Variants in VEZT observed in about 807,000 individuals in gnomAD.
The protein encoded by VEZT is vezatin.
VEZT carries 39 observed loss-of-function variants against 79.9 expected under a neutral mutation model. The ratio of observed to expected loss-of-function variants is 0.49; its 90% confidence interval spans 0.38 to 0.64. The LOEUF is 0.64. Among genes scored for constraint, VEZT ranks in the 30% least tolerant of loss-of-function variants. The probability of loss-of-function intolerance (pLI) is 0.00; values close to 1 mark genes in which losing one functional copy is unlikely to be tolerated. For missense variants in VEZT, 837 were observed against 893.1 expected (o/e 0.94, Z 0.80); for synonymous variants, 325 against 327.6 (o/e 0.99, Z 0.09).
intron 2 of VEZT, among the ~76,000 whole-genome samples, chr12:95,256,066 T>G (rs1234873547): frequency 2.6e-5 from 4 of 152,082 alleles, no homozygotes; most frequent in African/African-American, 9.7e-5. Context: ...CTCTTTTTTT[T>G]TTGAGATGCA....
At chr12:95,238,049 G>T (rs2060426376) in intron 1 of VEZT, among the ~76,000 whole-genome samples, 1 of 152,154 alleles carries the variant, frequency 6.6e-6, no homozygotes, top group Non-Finnish European at 1.5e-5. Context: ...ATTATGCCTT[G>T]CAGGGTTGAG....
chr12:95,238,654 A>G (rs2060495251), intron 1 of VEZT, among the ~76,000 whole-genome samples: 1 of 152,158 alleles, frequency 6.6e-6, no homozygotes, highest in South Asian at 2.1e-4. Context: ...AGGCACTTCT[A>G]ATACATCACC....
At chr12:95,225,718 T>C (rs1287820522) in intron 1 of VEZT, among the ~76,000 whole-genome samples, 2 of 127,676 alleles carry the variant, frequency 1.6e-5, no homozygotes, top group African/African-American at 6.0e-5. Context: ...CATATTGGAA[T>C]ACTGCTATAG....
chr12:95,221,018 T>G (rs2057492786), intron 1 of VEZT, among the ~76,000 whole-genome samples: 1 of 152,242 alleles, frequency 6.6e-6, no homozygotes, highest in African/African-American at 2.4e-5. Flanking sequence ...AGTGTTTTTC[T>G]TTTTATGATT....
intron 7 of VEZT, 135 bp from the exon 8 acceptor site, chr12:95,282,178 T>TA (rs1414581513): frequency 2.6e-6 from 2 of 769,696 alleles, no homozygotes; most frequent in Non-Finnish European, 4.0e-6. Context: ...TAAGGTAGTT[T>TA]AAGTTCGGCT....
Position 95,282,328 on chromosome 12 carries a change from T to C in VEZT, c.1012T>C (p.Trp338Arg), listed in dbSNP as rs759421591. The change falls in exon 8 of 12, where the codon TGG becomes CGG. Residue 338 changes from tryptophan (W) to arginine (R), a missense_variant. Transcript: ENST00000436874. ...LPALKVLFQLWVAQSSEFFRR... is the reference protein window; with the variant it reads ...LPALKVLFQLRVAQSSEFFRR... ...TTTCTTTAAGGTTTTGTTCCAACTC[T>C]GGGTGGCACAGAGTTCAGAGTTCTT... is the stretch of plus-strand genomic sequence containing the variant. 3 of 1,608,462 alleles carry C rather than the reference T, an allele frequency of 1.9e-6. No homozygotes were observed. Among genetic ancestry groups the C allele is most frequent in the Non-Finnish European group, 2.5e-6 (3 of 1,178,088 alleles).
chr12:95,272,246 C>T (rs4762321), intron 6 of VEZT, among the ~76,000 whole-genome samples: 17,038 of 151,382 alleles, frequency 0.11, 1,050 homozygotes, highest in East Asian at 0.25. Flanking sequence ...AAAAAAAAAA[C>T]GGGAATAGGA....
intron 3 of VEZT, among the ~76,000 whole-genome samples, chr12:95,260,988 AGT>A (rs1265843862): frequency 1.5e-5 from 2 of 133,146 alleles, no homozygotes; most frequent in Non-Finnish European, 3.1e-5. Flanking sequence ...GTACATGCAG[AGT>A]GTGTCAGTAG....
At chr12:95,225,116 C>A (rs2058228793) in intron 1 of VEZT, among the ~76,000 whole-genome samples, 1 of 152,168 alleles carries the variant, frequency 6.6e-6, no homozygotes, top group South Asian at 2.1e-4. Flanking sequence ...GGTTGAGGAC[C>A]CCTGTTAATG....
chr12:95,233,503 G>C (rs1285627345), intron 1 of VEZT, among the ~76,000 whole-genome samples: 1 of 152,154 alleles, frequency 6.6e-6, no homozygotes, highest in East Asian at 1.9e-4. Flanking sequence ...AGGTTCAAGT[G>C]ATTCTCCCAC....
chr12:95,294,124 C>T (rs959008178), intron 9 of VEZT, 148 bp from the exon 10 acceptor site: 44 of 567,414 alleles, frequency 7.8e-5, no homozygotes, highest in Non-Finnish European at 1.1e-4. Context: ...TGGGCTCAAG[C>T]GATCCTCCTG....
At chr12:95,225,999 G>A (rs981590999) in intron 1 of VEZT, among the ~76,000 whole-genome samples, 9 of 151,744 alleles carry the variant, frequency 5.9e-5, no homozygotes, top group South Asian at 2.1e-4. Flanking sequence ...GGAGGCTGAC[G>A]CAGGAGGATT....
intron 8 of VEZT, chr12:95,286,375 T>A: frequency 4.1e-6 from 2 of 493,708 alleles, no homozygotes; most frequent in East Asian, 1.0e-4. Flanking sequence ...TTGAGGATAC[T>A]TCATATTTGC....
At chr12:95,230,115 A>AC (rs1306187749) in intron 1 of VEZT, among the ~76,000 whole-genome samples, 2 of 151,804 alleles carry the variant, frequency 1.3e-5, no homozygotes, top group African/African-American at 2.4e-5. Context: ...AAAAAAAAAA[A>AC]AAAAAAAACG....
intron 1 of VEZT, among the ~76,000 whole-genome samples, chr12:95,251,072 G>A (rs769083374): frequency 1.3e-5 from 2 of 151,970 alleles, no homozygotes; most frequent in Non-Finnish European, 2.9e-5. Context: ...GTGCAGTGGC[G>A]TGATCTCGGC....
intron 2 of VEZT, 92 bp from the exon 3 acceptor site, chr12:95,257,058 A>G: frequency 9.9e-7 from 1 of 1,006,250 alleles, no homozygotes. Flanking sequence ...TCTGATATAA[A>G]TTCTCATTGA....
rs2075090982 is a variant in VEZT at position 95,300,546 on chromosome 12, C to T, written c.2213C>T (p.Thr738Ile). The T allele has an allele frequency of 6.2e-7, 1 of 1,613,828 alleles. No individual in the cohort carries two copies. The highest frequency in any genetic ancestry group is 1.7e-5 in the Admixed American group (1 of 60,002). The change falls in exon 12 of 12, where the codon ACT (threonine) becomes ATT (isoleucine). Residue 738 changes from threonine (T) to isoleucine (I), a missense_variant. Coordinates refer to ENST00000436874, the MANE Select transcript of VEZT (RefSeq NM_017599.4). ...CAGCTGTCACCAGATTTTACCTTCACTGCTGGCCTTGCTGCAGAAGTGGCT... is the reference window on the plus strand; with the variant it reads ...CAGCTGTCACCAGATTTTACCTTCATTGCTGGCCTTGCTGCAGAAGTGGCT... ...RLQLSPDFTF[T>I]AGLAAEVAAR...
intron 1 of VEZT, among the ~76,000 whole-genome samples, chr12:95,222,550 T>A (rs2057783510): frequency 6.6e-6 from 1 of 152,130 alleles, no homozygotes; most frequent in South Asian, 2.1e-4. Flanking sequence ...TACTATAATT[T>A]AAAAAATAGG....
chr12:95,278,945 C>G (rs2068390433), intron 7 of VEZT, among the ~76,000 whole-genome samples: 1 of 152,194 alleles, frequency 6.6e-6, no homozygotes, highest in Admixed American at 6.5e-5. Context: ...TGGTGCATGC[C>G]TGTAATCCCA....
Sources: allele counts gnomAD v4.1 joint callset (sites outside exome capture counted in the v4.1 genomes callset), GRCh38; gene constraint gnomAD v4.1.1; transcripts MANE v1.5; gene names NCBI Gene and HGNC (gene_info 2026-07-23, HGNC 2026-07-21).